The following PATJ variants were observed in gnomAD, a reference collection of about 807,000 sequenced individuals.
PATJ encodes the protein inaD-like protein.
In PATJ, 190 loss-of-function variants were observed where a neutral mutation model predicts 224.9. That is an observed-to-expected ratio of 0.84 (90% CI 0.75 to 0.95). The LOEUF (loss-of-function observed/expected upper bound fraction) is 0.95. Ranked by LOEUF, PATJ falls within the 40% of genes least tolerant of loss-of-function variation. The probability of loss-of-function intolerance (pLI) is 0.00; values close to 1 mark genes in which losing one functional copy is unlikely to be tolerated. For synonymous variants in PATJ, 769 were observed against 820.3 expected (o/e 0.94, Z 1.07); for missense variants, 2,121 against 2,270.3 (o/e 0.93, Z 1.34).
intron 8 of PATJ, among the ~76,000 whole-genome samples, chr1:61,790,383 A>G (rs1649546015): frequency 6.6e-6 from 1 of 152,068 alleles, no homozygotes; most frequent in African/African-American, 2.4e-5. Context: ...TTGTTGTATA[A>G]CAAATTTACT....
intron 32 of PATJ, among the ~76,000 whole-genome samples, chr1:62,083,200 C>G (rs746932234): frequency 3.3e-5 from 5 of 152,224 alleles, no homozygotes; most frequent in Non-Finnish European, 7.3e-5. Context: ...GATCTCAGCT[C>G]ACTGCAACCT....
intron 17 of PATJ, among the ~76,000 whole-genome samples, chr1:61,843,744 A>G (rs1661487333): frequency 6.6e-6 from 1 of 152,036 alleles, no homozygotes; most frequent in Non-Finnish European, 1.5e-5. Context: ...AATGCATATA[A>G]ATGCCTATGC....
intron 42 of PATJ, among the ~76,000 whole-genome samples, chr1:62,151,547 C>T (rs1433302077): frequency 1.3e-5 from 2 of 152,104 alleles, no homozygotes; most frequent in Non-Finnish European, 2.9e-5. Flanking sequence ...GCCGAGATAG[C>T]GCCACTGCAC....
At chr1:61,947,517 G>A (rs1457692516) in intron 27 of PATJ, among the ~76,000 whole-genome samples, 3 of 152,054 alleles carry the variant, frequency 2.0e-5, no homozygotes, top group Non-Finnish European at 4.4e-5. Context: ...GGGATGTGAA[G>A]GACCTCTTCA....
intron 30 of PATJ, among the ~76,000 whole-genome samples, chr1:62,048,700 A>G (rs1016607795): frequency 2.0e-5 from 3 of 152,176 alleles, no homozygotes; most frequent in Admixed American, 1.3e-4. Flanking sequence ...CTTATAGGGT[A>G]GTATTTTTAA....
Position 61,766,460 on chromosome 1 carries a change from A to G in PATJ, c.371A>G (p.Gln124Arg), listed in dbSNP as rs868427975. The G allele has an allele frequency of 6.3e-7, 1 of 1,593,712 alleles. No individual in the cohort carries two copies. Among genetic ancestry groups the G allele is most frequent in the African/African-American group, 1.4e-5 (1 of 73,976 alleles). Residue 124 changes from glutamine (Q) to arginine (R), a missense_variant, in exon 4 of 44, where the codon CAA becomes CGA. Gln to Arg is a conservative substitution (Grantham distance 43). Transcript: ENST00000642238. Reference sequence around the variant, plus strand: ...AATGAAGACTTTAACTCAGTCATTCAACAGATGGCTCAGGTAAAGTTGTAT... The same window carrying G: ...AATGAAGACTTTAACTCAGTCATTCGACAGATGGCTCAGGTAAAGTTGTAT... ...LGNEDFNSVI[Q>R]QMAQGRQIEY...
At chr1:61,926,370 C>T (rs1414764568) in intron 26 of PATJ, among the ~76,000 whole-genome samples, 1 of 152,126 alleles carries the variant, frequency 6.6e-6, no homozygotes, top group African/African-American at 2.4e-5. Flanking sequence ...ATAAATAAAT[C>T]AGTGGTACAG....
chr1:62,152,917 T>A (rs1463796373), intron 42 of PATJ, among the ~76,000 whole-genome samples: 1 of 152,000 alleles, frequency 6.6e-6, no homozygotes, highest in Non-Finnish European at 1.5e-5. Flanking sequence ...GGCAGGCAGA[T>A]CACTTGAGGT....
chr1:62,144,771 A>ATATATATATATATATATATATATCT (rs1439255158), intron 41 of PATJ, among the ~76,000 whole-genome samples: 1 of 73,342 alleles, frequency 1.4e-5, no homozygotes, highest in African/African-American at 5.2e-5. Context: ...ATTTGCAAAA[A>ATATATATATATATATATATATATCT]AAAAAAATAT....
intron 26 of PATJ, among the ~76,000 whole-genome samples, chr1:61,924,292 C>G (rs1412847193): frequency 1.3e-5 from 2 of 152,028 alleles, no homozygotes; most frequent in Admixed American, 1.3e-4. Context: ...TGCTTGAACC[C>G]GGGAGACAGA....
intron 27 of PATJ, among the ~76,000 whole-genome samples, chr1:61,949,640 C>T (rs1679318323): frequency 6.6e-6 from 1 of 152,234 alleles, no homozygotes; most frequent in African/African-American, 2.4e-5. Flanking sequence ...GGTGCAGCAG[C>T]TCACACCTGT....
At position 62,037,966 on chromosome 1, in the gene PATJ, A is replaced by G. The variant is rs1309270485; in HGVS notation, c.3960-11A>G. ...CTGTGTACTGATTCTGCCTATTTTAACACTTCACAGAAACGAGGATGCAGT... is the reference window on the plus strand; with the variant it reads ...CTGTGTACTGATTCTGCCTATTTTAGCACTTCACAGAAACGAGGATGCAGT... On this transcript the variant is annotated splice_polypyrimidine_tract_variant and intron_variant, in intron 29 of 43. Coordinates refer to ENST00000642238, the MANE Select transcript of PATJ (RefSeq NM_001350145.3). 2 of 1,595,228 alleles carry G rather than the reference A, an allele frequency of 1.3e-6. No individual in the cohort carries two copies. Among genetic ancestry groups the G allele is most frequent in the East Asian group, 4.5e-5 (2 of 44,552 alleles).
At chr1:61,772,445 C>A (rs2148374001) in intron 6 of PATJ, among the ~76,000 whole-genome samples, 1 of 152,130 alleles carries the variant, frequency 6.6e-6, no homozygotes, top group South Asian at 2.1e-4. Context: ...TTTGGGAACC[C>A]TTGAACTTGC....
intron 21 of PATJ, among the ~76,000 whole-genome samples, chr1:61,883,876 T>G (rs1571099894): frequency 1.5e-5 from 2 of 131,802 alleles, no homozygotes; most frequent in Admixed American, 1.5e-4. Flanking sequence ...TTTTTTTTTT[T>G]TAAATCAGTG....
chr1:62,144,777 A>AAAAAAAAATATATAT (rs377489788), intron 41 of PATJ, among the ~76,000 whole-genome samples: 1 of 119,102 alleles, frequency 8.4e-6, no homozygotes, highest in Non-Finnish European at 1.7e-5. Flanking sequence ...AAAAAAAAAA[A>AAAAAAAAATATATAT]ATATATATAT....
chr1:61,865,565 A>G (rs1228770520), intron 20 of PATJ: 1 of 152,092 alleles, frequency 6.6e-6, no homozygotes, highest in Non-Finnish European at 1.5e-5. Flanking sequence ...ATTTTAATAG[A>G]TTTGCCTTTA....
intron 29 of PATJ, among the ~76,000 whole-genome samples, chr1:62,029,978 G>A (rs1331779267): frequency 6.6e-6 from 1 of 152,176 alleles, no homozygotes; most frequent in African/African-American, 2.4e-5. Context: ...CGGTTCCAGT[G>A]GGTAGTTTTC....
chr1:61,975,917 G>A (rs1644105009), intron 27 of PATJ, among the ~76,000 whole-genome samples: 2 of 151,972 alleles, frequency 1.3e-5, no homozygotes, highest in African/African-American at 4.8e-5. Context: ...CCTTTACTTT[G>A]GACTTCTAAA....
At chr1:61,795,118 A>G (rs1650793048) in intron 9 of PATJ, among the ~76,000 whole-genome samples, 1 of 151,326 alleles carries the variant, frequency 6.6e-6, no homozygotes, top group Non-Finnish European at 1.5e-5. Flanking sequence ...AAAAAAAAAA[A>G]AAAAGAAGTT....
Sources: gnomAD v4.1 joint callset for allele counts (sites outside exome capture counted in the v4.1 genomes callset) on GRCh38, gnomAD v4.1.1 for gene constraint, MANE v1.5 for transcripts, NCBI Gene and HGNC (gene_info 2026-07-23, HGNC 2026-07-21) for gene names.